SMIM31: variants seen among roughly 807,000 people sequenced by gnomAD.
SMIM31 encodes human epithelial cell program regulator.
At position 164,783,133 on chromosome 4, in the gene SMIM31, G is replaced by A. The variant is rs28492029; in HGVS notation, c.112+12578G>A. On this transcript the variant is annotated intron_variant, in intron 2 of 2. Transcript: ENST00000507311. ...CTCCGGAACCTGAGGCAGGAGAATT[G>A]CTTGAACCCGGGAGGTGGAGGTTGT... Among the ~76,000 whole-genome samples, 948 of 150,092 alleles carry A rather than the reference G, an allele frequency of 6.3e-3. 9 individuals are homozygous for A. Among genetic ancestry groups the A allele is most frequent in the African/African-American group, 0.022 (882 of 40,618 alleles).
Position 164,801,563 on chromosome 4 carries a change from C to T in SMIM31, c.*369C>T, listed in dbSNP as rs11933477. ...AATTTAATCACTTTTTTTGGTCCTG[C>T]GACACACATGATAATTTTTGTCTTA... is the stretch of plus-strand genomic sequence containing the variant. On this transcript the variant is annotated 3_prime_UTR_variant, in exon 3 of 3. Coordinates refer to ENST00000507311, the MANE Select transcript of SMIM31 (RefSeq NM_001352885.1). The T allele has an allele frequency of 0.35, 54,874 of 158,060 alleles. 10,208 individuals carry two copies. Among genetic ancestry groups the T allele is most frequent in the East Asian group, 0.43 (2,369 of 5,536 alleles). The allele number at this position is 158,060 out of a possible 1,614,324, so 9.8% of individuals were successfully genotyped here.
At chr4:164,781,400 T>C (rs1732947064) in intron 2 of SMIM31, among the ~76,000 whole-genome samples, 1 of 152,204 alleles carries the variant, frequency 6.6e-6, no homozygotes, top group Admixed American at 6.5e-5. Flanking sequence ...AAATGTCCTT[T>C]AGCAGGTAAA....
Position 164,801,073 on chromosome 4 carries a change from A to C in SMIM31, c.113-18A>C, listed in dbSNP as rs1397401758. 2.5e-6 allele frequency: 1 copy of C among 398,754 alleles called. No homozygotes were observed. Among genetic ancestry groups the C allele is most frequent in the Non-Finnish European group, 4.4e-6 (1 of 225,988 alleles). The allele number at this position is 398,754 out of a possible 1,614,324, so 24.7% of individuals were successfully genotyped here. On this transcript the variant is annotated intron_variant, in intron 2 of 2. Coordinates refer to ENST00000507311, the MANE Select transcript of SMIM31 (RefSeq NM_001352885.1). ...TGGTGTATTTACATTCCTTTTTCTA[A>C]ATTCTTTCTTATTGCAGAGGAAGAA...
intron 1 of SMIM31, among the ~76,000 whole-genome samples, chr4:164,758,597 G>A (rs1247555024): frequency 2.0e-5 from 3 of 148,758 alleles, no homozygotes; most frequent in African/African-American, 7.4e-5. Context: ...CAGTATTTAT[G>A]GAAATGACCA....
chr4:164,763,733 CT>C (rs1460852306), intron 1 of SMIM31, among the ~76,000 whole-genome samples: 15 of 152,112 alleles, frequency 9.9e-5, no homozygotes, highest in African/African-American at 3.4e-4. Flanking sequence ...AAAAGATAAC[CT>C]TGTTTCAGGC....
Position 164,794,912 on chromosome 4 carries a change from AT to A in SMIM31, c.113-6172del, listed in dbSNP as rs569164494. Among the ~76,000 whole-genome samples, 21 of 151,888 alleles carry A rather than the reference AT, an allele frequency of 1.4e-4. 1 individual carries two copies. The South Asian group carries it at 3.7e-3, about 27-fold the overall frequency. ...GTATAAAAATATTTTTTAAAAAAAT[AT>A]TTTTTTAATCTGGAAATATATATAT... On this transcript the variant is annotated intron_variant, in intron 2 of 2. Coordinates refer to ENST00000507311, the MANE Select transcript of SMIM31 (RefSeq NM_001352885.1).
intron 1 of SMIM31, among the ~76,000 whole-genome samples, chr4:164,755,988 T>C (rs1732555962): frequency 6.6e-6 from 1 of 152,234 alleles, no homozygotes; most frequent in Non-Finnish European, 1.5e-5. Context: ...CGTCCACTGA[T>C]TCACCTTCTT....
At chr4:164,779,792 G>T (rs1461322716) in intron 2 of SMIM31, among the ~76,000 whole-genome samples, 1 of 152,178 alleles carries the variant, frequency 6.6e-6, no homozygotes, top group Non-Finnish European at 1.5e-5. Flanking sequence ...TAGGGATATA[G>T]AGGAATCAAT....
rs145367210 is a variant in SMIM31 at position 164,768,206 on chromosome 4, A to T, written c.-25-2213A>T. Among the ~76,000 whole-genome samples, 6 of 151,204 alleles carry T rather than the reference A, an allele frequency of 4.0e-5. No individual in the cohort carries two copies. The East Asian group carries it at 1.2e-3, about 29-fold the overall frequency. On this transcript the variant is annotated intron_variant, in intron 1 of 2. Transcript: ENST00000507311. ...AACTGTTATCATGCCATTGCTCTCCAGCCTGGGCAACAGAGCAAGACTTTG... is the reference window on the plus strand; with the variant it reads ...AACTGTTATCATGCCATTGCTCTCCTGCCTGGGCAACAGAGCAAGACTTTG...
intron 2 of SMIM31, among the ~76,000 whole-genome samples, chr4:164,799,939 A>T (rs1222030266): frequency 6.6e-6 from 1 of 152,228 alleles, no homozygotes; most frequent in East Asian, 1.9e-4. Flanking sequence ...ATCAAAGTAG[A>T]TAGAAGTAAA....
In SMIM31 at chr4:164,801,623, T is replaced by A. The variant is rs1733285361; in HGVS notation, c.*429T>A. ...ACAAATGATAATGAAAAGCTATAAG[T>A]AACTGTGTTATTGCTTCCGTATCTG... On this transcript the variant is annotated 3_prime_UTR_variant, in exon 3 of 3. Transcript: ENST00000507311. 6.5e-6 allele frequency: 1 copy of A among 152,746 alleles called. No individual in the cohort carries two copies. Among genetic ancestry groups the A allele is most frequent in the Non-Finnish European group, 1.5e-5 (1 of 68,446 alleles). The allele number at this position is 152,746 out of a possible 1,614,324, so 9.5% of individuals were successfully genotyped here.
chr4:164,768,601 A>G (rs1265839687), intron 1 of SMIM31, among the ~76,000 whole-genome samples: 1 of 152,194 alleles, frequency 6.6e-6, no homozygotes, highest in Non-Finnish European at 1.5e-5. Flanking sequence ...AAACTGGAGA[A>G]TAGGAGAAAC....
At chr4:164,754,551 A>ATTTTTTTTTTT (rs57916805) in intron 1 of SMIM31, 140 bp downstream of exon 1, 2 of 55,620 alleles carry the variant, frequency 3.6e-5, no homozygotes, top group African/African-American at 8.0e-5. Context: ...TCCTGGAGGT[A>ATTTTTTTTTTT]TTTTTTTTTT....
intron 1 of SMIM31, among the ~76,000 whole-genome samples, chr4:164,764,493 G>A (rs1732693783): frequency 6.6e-6 from 1 of 151,846 alleles, no homozygotes; most frequent in Non-Finnish European, 1.5e-5. Context: ...CTCGAACCTG[G>A]GAGGCGGAGG....
chr4:164,797,304 G>T (rs1206396535), intron 2 of SMIM31, among the ~76,000 whole-genome samples: 1 of 151,682 alleles, frequency 6.6e-6, no homozygotes, highest in Non-Finnish European at 1.5e-5. Context: ...GTCTATCTCT[G>T]TCTGCAAGAA....
At chr4:164,797,755 G>A (rs182716840) in intron 2 of SMIM31, among the ~76,000 whole-genome samples, 14 of 152,146 alleles carry the variant, frequency 9.2e-5, no homozygotes, top group South Asian at 8.3e-4. Flanking sequence ...GAGCCACCGC[G>A]CCTGGCCTAA....
At chr4:164,768,089 G>T (rs114546339) in intron 1 of SMIM31, among the ~76,000 whole-genome samples, 2 of 151,690 alleles carry the variant, frequency 1.3e-5, no homozygotes, top group African/African-American at 2.4e-5. Context: ...CAAAAAATTC[G>T]CTGGGCGTAA....
chr4:164,763,682 G>C (rs898964314), intron 1 of SMIM31, among the ~76,000 whole-genome samples: 1 of 152,140 alleles, frequency 6.6e-6, no homozygotes, highest in African/African-American at 2.4e-5. Context: ...TACAGATTAA[G>C]CAAATTCAAC....
chr4:164,781,023 G>T (rs894564800), intron 2 of SMIM31, among the ~76,000 whole-genome samples: 10 of 152,134 alleles, frequency 6.6e-5, no homozygotes, highest in African/African-American at 2.4e-4. Context: ...TGCCCAGGCA[G>T]GTCGCAAACT....
Sources: gnomAD v4.1 joint callset for allele counts (sites outside exome capture counted in the v4.1 genomes callset) on GRCh38, gnomAD v4.1.1 for gene constraint, MANE v1.5 for transcripts, NCBI Gene and HGNC (gene_info 2026-07-23, HGNC 2026-07-21) for gene names.